The following DHPS variants were observed in gnomAD, a reference collection of about 807,000 sequenced individuals.
DHPS encodes deoxyhypusine synthase, also known as migration-inducing gene 13.
In DHPS, 24 loss-of-function variants were observed where a neutral mutation model predicts 38.7. That is an observed-to-expected ratio of 0.62 (90% CI 0.45 to 0.87). DHPS has a LOEUF of 0.87. Among genes scored for constraint, DHPS ranks in the 40% least tolerant of loss-of-function variants. The pLI, the probability that DHPS is intolerant of heterozygous loss-of-function variation, is 0.00. For synonymous variants in DHPS, 250 were observed against 204.4 expected (o/e 1.22, Z -1.90); for missense variants, 510 against 497.6 (o/e 1.02, Z -0.24).
At chr19:12,672,958 G>A (rs1302903202), downstream of DHPS, 1 of 1,595,256 alleles carries the variant, frequency 6.3e-7, no homozygotes, top group South Asian at 1.1e-5. Flanking sequence ...AAGATGGGGG[G>A]CCAACCAGGG....
downstream of DHPS, chr19:12,673,393 G>T: frequency 1.1e-6 from 1 of 887,246 alleles, no homozygotes; most frequent in Non-Finnish European, 1.8e-6. Flanking sequence ...GTCACTCCAG[G>T]GCCTGAAGGC....
chr19:12,680,467 T>A (rs1264744650), intron 1 of DHPS, 142 bp from the exon 2 acceptor site: 1 of 797,766 alleles, frequency 1.3e-6, no homozygotes, highest in Non-Finnish European at 2.0e-6. Context: ...CCAAGGAACA[T>A]CTCCTGTGTA....
chr19:12,677,752 C>T (rs1480201386), intron 5 of DHPS, among the ~76,000 whole-genome samples: 1 of 152,116 alleles, frequency 6.6e-6, no homozygotes, highest in Admixed American at 6.5e-5. Context: ...TCTCCTGCTT[C>T]AGCCTCCCGA....
downstream of DHPS, among the ~76,000 whole-genome samples, chr19:12,675,130 G>A (rs1202737682): frequency 6.7e-6 from 1 of 149,224 alleles, no homozygotes; most frequent in Non-Finnish European, 1.5e-5. Flanking sequence ...AACAGAAAAA[G>A]AAAAAGACTC....
chr19:12,679,427 T>C (rs1462450426), intron 5 of DHPS, 30 bp downstream of exon 5: 1 of 1,598,300 alleles, frequency 6.3e-7, no homozygotes, highest in African/African-American at 1.3e-5. Context: ...TGCCAAAGTC[T>C]GGCTACTTTG....
rs754634975 is a variant in DHPS, at chr19:12,679,823, G to A, written c.472C>T (p.Leu158Phe). 8.7e-6 allele frequency: 14 copies of A among 1,614,056 alleles called. No homozygotes were observed. Among genetic ancestry groups the A allele is most frequent in the Non-Finnish European group, 1.2e-5 (14 of 1,180,032 alleles). ...LGEFSLRGKELRENGINRIGN... is the reference protein window; with the variant it reads ...LGEFSLRGKEFRENGINRIGN... ...CACCTATTGATCCCGTTCTCCCGGA[G>A]CTCCTTCCCCCTGAGGCTAAACTCG... Residue 158 changes from leucine to phenylalanine, a missense_variant, in exon 3 of 9, where the codon CTC becomes TTC. Physicochemically the swap from Leu to Phe is conservative, Grantham distance 22. Transcript: ENST00000210060.
intron 5 of DHPS, 97 bp downstream of exon 5, chr19:12,679,360 C>T: frequency 8.4e-7 from 1 of 1,184,648 alleles, no homozygotes; most frequent in Non-Finnish European, 1.3e-6. Flanking sequence ...AGTGAGGATG[C>T]TGAGAATAAC....
At chr19:12,679,072 G>T (rs2024711311) in intron 5 of DHPS, among the ~76,000 whole-genome samples, 1 of 152,072 alleles carries the variant, frequency 6.6e-6, no homozygotes, top group Non-Finnish European at 1.5e-5. Context: ...AAGGTGGGAG[G>T]ACTGCCTGAC....
Position 12,675,856 on chromosome 19 carries a change from A to C in DHPS, c.1092T>G (p.His364Gln). 1.9e-6 allele frequency: 3 copies of C among 1,605,482 alleles called. No homozygotes were observed. The highest frequency in any genetic ancestry group is 2.6e-6 in the Non-Finnish European group (3 of 1,175,798). The part of the protein sequence containing the change: ...TFAQKMDAFM[H>Q]EKNED ...CAGCCGCTCAGTCCTCGTTCTTCTCATGCATGAAGGCATCCATCTTCTGGG... is the reference window on the plus strand; with the variant it reads ...CAGCCGCTCAGTCCTCGTTCTTCTCCTGCATGAAGGCATCCATCTTCTGGG... The change falls in exon 9 of 9, where the codon CAT (histidine) becomes CAG (glutamine). Residue 364 changes from histidine (H) to glutamine (Q), a missense_variant. His to Gln is a conservative substitution (Grantham distance 24). Transcript: ENST00000210060.
chr19:12,675,836 G>A lies in DHPS; in HGVS notation c.*2C>T, dbSNP rs78193595. ...GTAAGACCTTCCTGGGACCGCAGCCGCTCAGTCCTCGTTCTTCTCATGCAT... is the reference window on the plus strand; with the variant it reads ...GTAAGACCTTCCTGGGACCGCAGCCACTCAGTCCTCGTTCTTCTCATGCAT... On this transcript the variant is annotated 3_prime_UTR_variant, in exon 9 of 9. Coordinates refer to ENST00000210060, the MANE Select transcript of DHPS (RefSeq NM_001930.4). 384 of 1,591,464 alleles carry A rather than the reference G, an allele frequency of 2.4e-4. 3 individuals are homozygous for A. The East Asian group carries it at 7.8e-3, about 32-fold the overall frequency.
rs887246437 is a variant in DHPS at position 12,681,339 on chromosome 19, G to C, written c.207+221C>G. 2.9e-6 allele frequency: 3 copies of C among 1,023,924 alleles called. No homozygotes were observed. In the Admixed American group the frequency reaches 8.9e-5, roughly 30 times the overall value. The allele number at this position is 1,023,924 out of a possible 1,614,324, so 63.4% of individuals were successfully genotyped here. On this transcript the variant is annotated intron_variant, in intron 1 of 8. Coordinates refer to ENST00000210060, the MANE Select transcript of DHPS (RefSeq NM_001930.4). ...GCCCCCACACCAAGAATCAGTCCTC[G>C]CCTCCTCAGGTTACCGTACCAGCAT...
chr19:12,674,084 A>G (rs1344865875), downstream of DHPS, among the ~76,000 whole-genome samples: 1 of 152,214 alleles, frequency 6.6e-6, no homozygotes, highest in Non-Finnish European at 1.5e-5. Context: ...CGCATGCATC[A>G]GTCAGGAAAC....
chr19:12,681,422 T>A, intron 1 of DHPS, 138 bp downstream of exon 1: 1 of 1,147,320 alleles, frequency 8.7e-7, no homozygotes. Flanking sequence ...CCAGAATAGG[T>A]CCCGCCTTCC....
downstream of DHPS, chr19:12,672,847 C>T (rs1172968254): frequency 1.3e-6 from 2 of 1,580,164 alleles, no homozygotes; most frequent in East Asian, 2.3e-5. Context: ...TCTCCTGCAG[C>T]TCCGTGGATG....
chr19:12,675,777 G>C lies in DHPS; in HGVS notation c.*61C>G, dbSNP rs560866055. ...GTAGCTGACCAAAAAGTAGGGGAGGGGCTGGGTCTGCAAATTAATAAATAG... is the reference window on the plus strand; with the variant it reads ...GTAGCTGACCAAAAAGTAGGGGAGGCGCTGGGTCTGCAAATTAATAAATAG... On this transcript the variant is annotated 3_prime_UTR_variant, in exon 9 of 9. Transcript: ENST00000210060. 1.3e-6 allele frequency: 2 copies of C among 1,566,078 alleles called. No homozygotes were observed. The highest frequency in any genetic ancestry group is 1.7e-6 in the Non-Finnish European group (2 of 1,154,022).
At position 12,675,834 on chromosome 19, in the gene DHPS, C is replaced by G; in HGVS notation, c.*4G>C. On this transcript the variant is annotated 3_prime_UTR_variant, in exon 9 of 9. Coordinates refer to ENST00000210060, the MANE Select transcript of DHPS (RefSeq NM_001930.4). Reference sequence around the variant, plus strand: ...GGGTAAGACCTTCCTGGGACCGCAGCCGCTCAGTCCTCGTTCTTCTCATGC... The same window carrying G: ...GGGTAAGACCTTCCTGGGACCGCAGGCGCTCAGTCCTCGTTCTTCTCATGC... 1.3e-6 allele frequency: 2 copies of G among 1,588,158 alleles called. No homozygotes were observed. The highest frequency in any genetic ancestry group is 1.7e-6 in the Non-Finnish European group (2 of 1,166,446).
At position 12,677,297 on chromosome 19, in the gene DHPS, C is replaced by T. The variant is rs753258751; in HGVS notation, c.778G>A (p.Val260Ile). ...YKNPGLVLDI[V>I]EDLRLINTQA... is the part of the protein sequence containing the mutation. ...TGTGGCCCTAGCGCCTCACCCTCAA[C>T]GATGTCCAGGACCAGGCCCGGGTTC... The change falls in exon 6 of 9, where the codon GTT (valine) becomes ATT (isoleucine). Residue 260 changes from valine (V) to isoleucine (I), a missense_variant. Physicochemically the swap from Val to Ile is conservative, Grantham distance 29. Coordinates refer to ENST00000210060, the MANE Select transcript of DHPS (RefSeq NM_001930.4). 1.6e-5 allele frequency: 26 copies of T among 1,614,086 alleles called. No individual in the cohort carries two copies. Among genetic ancestry groups the T allele is most frequent in the African/African-American group, 5.3e-5 (4 of 74,932 alleles).
chr19:12,679,421 A>G (rs2024724010), intron 5 of DHPS, 36 bp downstream of exon 5: 4 of 1,596,542 alleles, frequency 2.5e-6, no homozygotes, highest in East Asian at 2.2e-5. Flanking sequence ...AACACATGCC[A>G]AAGTCTGGCT....
chr19:12,679,765 CCAGCTCCCCT>C (rs1266806854), intron 3 of DHPS, 26 bp downstream of exon 3: 1 of 1,614,100 alleles, frequency 6.2e-7, no homozygotes, highest in East Asian at 2.2e-5. Flanking sequence ...GACCCTTGGT[CCAGCTCCCCT>C]GCCCAACACC....
Sources: allele counts gnomAD v4.1 joint callset (sites outside exome capture counted in the v4.1 genomes callset), GRCh38; gene constraint gnomAD v4.1.1; transcripts MANE v1.5; gene names NCBI Gene and HGNC (gene_info 2026-07-23, HGNC 2026-07-21).